CNTNAP2: variants seen among roughly 807,000 people sequenced by gnomAD.
CNTNAP2 encodes contactin-associated protein-like 2.
Under a neutral mutation model 155.2 loss-of-function variants are expected in CNTNAP2, and 98 were observed. The ratio of observed to expected loss-of-function variants is 0.63; its 90% CI spans 0.54 to 0.75. The LOEUF is 0.75. Ranked by LOEUF, CNTNAP2 falls within the 30% of genes least tolerant of loss-of-function variation. The probability of loss-of-function intolerance (pLI) is 0.00; values close to 1 mark genes in which losing one functional copy is unlikely to be tolerated. For missense variants in CNTNAP2, 1,727 were observed against 1,688.1 expected (o/e 1.02, Z -0.40); for synonymous variants, 651 against 631.2 (o/e 1.03, Z -0.47).
intron 13 of CNTNAP2, among the ~76,000 whole-genome samples, chr7:147,853,356 G>A (rs17825832): frequency 0.044 from 6,737 of 152,274 alleles, 270 homozygotes; most frequent in Admixed American, 0.12. Context: ...TAAACGGCCT[G>A]ATTTAAAGCA....
intron 12 of CNTNAP2, among the ~76,000 whole-genome samples, chr7:147,586,782 T>A (rs1488649878): frequency 6.6e-6 from 1 of 152,122 alleles, no homozygotes; most frequent in Non-Finnish European, 1.5e-5. Context: ...GGAAACCACA[T>A]GCTCTGGCAC....
chr7:146,483,715 T>C (rs1017154213), intron 1 of CNTNAP2, among the ~76,000 whole-genome samples: 1 of 151,860 alleles, frequency 6.6e-6, no homozygotes, highest in African/African-American at 2.4e-5. Flanking sequence ...TAGAAAAAAA[T>C]TATAAAATAG....
chr7:148,362,268 GA>G (rs935509567), intron 21 of CNTNAP2, among the ~76,000 whole-genome samples: 73 of 152,162 alleles, frequency 4.8e-4, no homozygotes, highest in Admixed American at 4.8e-3. Context: ...CAGCATGGGG[GA>G]AACCACCCCC....
At chr7:148,408,240 C>T (rs1374616852) in intron 22 of CNTNAP2, among the ~76,000 whole-genome samples, 1 of 152,068 alleles carries the variant, frequency 6.6e-6, no homozygotes, top group Non-Finnish European at 1.5e-5. Context: ...CAGAGTGAGA[C>T]CCTTTCCCCA....
chr7:146,752,125 C>CT, intron 1 of CNTNAP2, among the ~76,000 whole-genome samples: 1 of 152,180 alleles, frequency 6.6e-6, no homozygotes, highest in African/African-American at 2.4e-5. Flanking sequence ...ATTTATCATC[C>CT]TTTGGGTACG....
intron 13 of CNTNAP2, among the ~76,000 whole-genome samples, chr7:147,698,896 G>GTAAATAAATAAA (rs199513498): frequency 6.6e-6 from 1 of 151,946 alleles, no homozygotes. Flanking sequence ...ATTAGAAAAA[G>GTAAATAAATAAA]TAAATAAATA....
intron 1 of CNTNAP2, among the ~76,000 whole-genome samples, chr7:146,160,661 G>T (rs189272817): frequency 6.6e-6 from 1 of 152,214 alleles, no homozygotes; most frequent in African/African-American, 2.4e-5. Context: ...AGAAGAAGTT[G>T]AATCCCTGAA....
At chr7:146,733,350 C>A (rs956300756) in intron 1 of CNTNAP2, among the ~76,000 whole-genome samples, 1 of 151,982 alleles carries the variant, frequency 6.6e-6, no homozygotes, top group Non-Finnish European at 1.5e-5. Context: ...GGGGATGAAG[C>A]ATTATTCTTT....
intron 14 of CNTNAP2, among the ~76,000 whole-genome samples, chr7:147,925,286 G>A (rs1393016001): frequency 1.5e-5 from 1 of 65,400 alleles, no homozygotes; most frequent in Non-Finnish European, 2.7e-5. Flanking sequence ...ACACACAAGC[G>A]CGCGCGCACA....
At position 147,213,159 on chromosome 7, in the gene CNTNAP2, C is replaced by T. The variant is rs76973298; in HGVS notation, c.1348+80650C>T. ...AATGAGAAAAGCTATTGCTGTAATT[C>T]AGTGTGAATCTGAAGACCTAAGAAT... On this transcript the variant is annotated intron_variant, in intron 8 of 23. Coordinates refer to ENST00000361727, the MANE Select transcript of CNTNAP2 (RefSeq NM_014141.6). 2.0e-3 allele frequency among the ~76,000 whole-genome samples: 312 copies of T among 152,218 alleles called. 2 individuals are homozygous for T. The highest frequency in any genetic ancestry group is 7.2e-3 in the African/African-American group (301 of 41,538).
chr7:147,958,572 T>C (rs898510410), intron 14 of CNTNAP2, among the ~76,000 whole-genome samples: 5 of 152,174 alleles, frequency 3.3e-5, no homozygotes, highest in Admixed American at 3.3e-4. Flanking sequence ...TTCTTCTTCA[T>C]GGGAGTGGAA....
At chr7:146,815,252 A>C (rs1440377566) in intron 2 of CNTNAP2, among the ~76,000 whole-genome samples, 1 of 152,190 alleles carries the variant, frequency 6.6e-6, no homozygotes, top group Non-Finnish European at 1.5e-5. Context: ...AGAAGACATA[A>C]GTTATATGAC....
chr7:146,761,884 G>T (rs1481020101), intron 1 of CNTNAP2, among the ~76,000 whole-genome samples: 1 of 152,080 alleles, frequency 6.6e-6, no homozygotes, highest in Non-Finnish European at 1.5e-5. Context: ...AATGAATTCA[G>T]ATTACTGGGA....
intron 21 of CNTNAP2, among the ~76,000 whole-genome samples, chr7:148,371,745 A>G (rs1563062639): frequency 6.6e-6 from 1 of 152,210 alleles, no homozygotes; most frequent in East Asian, 1.9e-4. Context: ...ACACAAACCC[A>G]GAAGGTGCAG....
chr7:147,127,238 T>C (rs560010910), intron 6 of CNTNAP2, among the ~76,000 whole-genome samples: 1 of 152,316 alleles, frequency 6.6e-6, no homozygotes, highest in South Asian at 2.1e-4. Flanking sequence ...TTACTATTTC[T>C]TCTTTGTAGT....
intron 13 of CNTNAP2, chr7:147,672,979 A>G (rs752007518): frequency 1.3e-5 from 2 of 152,222 alleles, no homozygotes; most frequent in East Asian, 1.9e-4. Context: ...ACCTGGCCAT[A>G]ATAATGAACA....
At chr7:148,296,545 C>CGAA (rs1797289497) in intron 21 of CNTNAP2, among the ~76,000 whole-genome samples, 1 of 76,608 alleles carries the variant, frequency 1.3e-5, no homozygotes, top group Non-Finnish European at 2.4e-5. Context: ...GACTCTGTCT[C>CGAA]AAAAAAAAAA....
intron 10 of CNTNAP2, among the ~76,000 whole-genome samples, chr7:147,477,760 A>G (rs1204310340): frequency 6.6e-6 from 1 of 152,174 alleles, no homozygotes; most frequent in Non-Finnish European, 1.5e-5. Flanking sequence ...AATGGACTGT[A>G]TATCATCACA....
chr7:146,642,671 C>A (rs1377187407), intron 1 of CNTNAP2, among the ~76,000 whole-genome samples: 1 of 151,996 alleles, frequency 6.6e-6, no homozygotes, highest in Non-Finnish European at 1.5e-5. Flanking sequence ...TGGGTATATA[C>A]CCAGTAATGG....
Sources: allele counts gnomAD v4.1 joint callset (sites outside exome capture counted in the v4.1 genomes callset), GRCh38; gene constraint gnomAD v4.1.1; transcripts MANE v1.5; gene names NCBI Gene and HGNC (gene_info 2026-07-23, HGNC 2026-07-21).